NKAIN2: variants seen among roughly 807,000 people sequenced by gnomAD.
NKAIN2 encodes sodium/potassium transporting ATPase interacting 2.
NKAIN2 carries 14 observed loss-of-function variants against 32.6 expected under a neutral mutation model. The ratio of observed to expected loss-of-function variants is 0.43; its 90% CI spans 0.28 to 0.67. The LOEUF (loss-of-function observed/expected upper bound fraction) is 0.67, where lower values mean the gene tolerates loss of function less well. Ranked by LOEUF, NKAIN2 falls within the 30% of genes least tolerant of loss-of-function variation. The pLI is 0.17. For synonymous variants in NKAIN2, 80 were observed against 87.2 expected (o/e 0.92, Z 0.46); for missense variants, 198 against 258.3 (o/e 0.77, Z 1.60).
intron 1 of NKAIN2, among the ~76,000 whole-genome samples, chr6:123,901,241 G>C (rs914757115): frequency 6.6e-6 from 1 of 151,986 alleles, no homozygotes; most frequent in Non-Finnish European, 1.5e-5. Context: ...TTCATACTAA[G>C]TTTTTTAGAA....
At chr6:123,904,391 T>A (rs1774754966) in intron 1 of NKAIN2, among the ~76,000 whole-genome samples, 1 of 152,236 alleles carries the variant, frequency 6.6e-6, no homozygotes, top group South Asian at 2.1e-4. Context: ...ATCTATGTGT[T>A]CTTATCATCT....
At chr6:123,917,359 G>A (rs1582775470) in intron 1 of NKAIN2, among the ~76,000 whole-genome samples, 2 of 151,594 alleles carry the variant, frequency 1.3e-5, no homozygotes, top group East Asian at 3.9e-4. Context: ...TTTTGAAGTT[G>A]GTATAAAAGT....
intron 4 of NKAIN2, among the ~76,000 whole-genome samples, chr6:124,780,269 T>G (rs752492427): frequency 6.6e-6 from 1 of 152,210 alleles, no homozygotes; most frequent in Non-Finnish European, 1.5e-5. Context: ...AGAATGCTGA[T>G]AGTCCAGTAG....
At chr6:124,615,499 T>C (rs1782853791) in intron 3 of NKAIN2, among the ~76,000 whole-genome samples, 1 of 152,040 alleles carries the variant, frequency 6.6e-6, no homozygotes, top group South Asian at 2.1e-4. Flanking sequence ...TTTCGGAAAA[T>C]ATGACTCATT....
chr6:124,433,374 C>T (rs1423938822), intron 3 of NKAIN2, among the ~76,000 whole-genome samples: 2 of 152,172 alleles, frequency 1.3e-5, no homozygotes, highest in Non-Finnish European at 2.9e-5. Flanking sequence ...TTTATGGTGG[C>T]ATTGCTGCCC....
intron 4 of NKAIN2, among the ~76,000 whole-genome samples, chr6:124,789,174 T>G (rs1779634250): frequency 6.6e-6 from 1 of 152,044 alleles, no homozygotes; most frequent in South Asian, 2.1e-4. Context: ...TAGTGACACT[T>G]TAATGAGAAG....
At chr6:124,211,821 C>T (rs967059220) in intron 1 of NKAIN2, among the ~76,000 whole-genome samples, 10 of 151,944 alleles carry the variant, frequency 6.6e-5, no homozygotes, top group South Asian at 2.1e-4. Context: ...AGTTAAAAGT[C>T]GAAAATTGTG....
intron 3 of NKAIN2, among the ~76,000 whole-genome samples, chr6:124,623,290 T>C (rs1382646): frequency 0.035 from 5,337 of 152,216 alleles, 158 homozygotes; most frequent in East Asian, 0.16. Context: ...TCATCACATG[T>C]ATGATGGGGC....
intron 1 of NKAIN2, among the ~76,000 whole-genome samples, chr6:123,806,588 A>C (rs1425883130): frequency 6.6e-6 from 1 of 152,058 alleles, no homozygotes; most frequent in Non-Finnish European, 1.5e-5. Context: ...GATTTTTAAA[A>C]ACTTTTTATG....
rs1283894871 is a variant in NKAIN2, at chr6:124,610,973, G to A, written c.274-47213G>A. ...GTATAAGGGATAGAATTTCCTTACCGCTACTGAATGCTTGACTTCAATCTA... is the reference window on the plus strand; with the variant it reads ...GTATAAGGGATAGAATTTCCTTACCACTACTGAATGCTTGACTTCAATCTA... On this transcript the variant is annotated intron_variant, in intron 3 of 6. Coordinates refer to ENST00000368417, the MANE Select transcript of NKAIN2 (RefSeq NM_001040214.3). 6.6e-5 allele frequency among the ~76,000 whole-genome samples: 10 copies of A among 151,926 alleles called. 1 individual carries two copies. Among genetic ancestry groups the A allele is most frequent in the African/African-American group, 1.7e-4 (7 of 41,372 alleles).
intron 1 of NKAIN2, among the ~76,000 whole-genome samples, chr6:124,063,016 A>T (rs1273014904): frequency 1.3e-5 from 2 of 151,868 alleles, no homozygotes; most frequent in Non-Finnish European, 2.9e-5. Context: ...ATCTCTACTA[A>T]AATTACTAAA....
chr6:123,985,887 C>G (rs1779114699), intron 1 of NKAIN2, among the ~76,000 whole-genome samples: 1 of 152,066 alleles, frequency 6.6e-6, no homozygotes, highest in African/African-American at 2.4e-5. Context: ...GAGACAACAG[C>G]ATCTAAAAAA....
rs536403936 is a variant in NKAIN2 at position 124,712,420 on chromosome 6, G to A, written c.474+54034G>A. On this transcript the variant is annotated intron_variant, in intron 4 of 6. Coordinates refer to ENST00000368417, the MANE Select transcript of NKAIN2 (RefSeq NM_001040214.3). The stretch of plus-strand genomic sequence containing the variant: ...TGGCGGGCGCCCCTCCCCCAGGCTC[G>A]CTGCCGCCTTGCAGTTTGATCTCAG... Among the ~76,000 whole-genome samples, 15 of 115,726 alleles carry A rather than the reference G, an allele frequency of 1.3e-4. 4 individuals carry two copies. The allele number at this position is 115,726 out of a possible 152,430, so 75.9% of individuals were successfully genotyped here.
intron 5 of NKAIN2, among the ~76,000 whole-genome samples, chr6:124,811,539 A>G (rs928808209): frequency 1.3e-5 from 2 of 152,204 alleles, no homozygotes; most frequent in Non-Finnish European, 2.9e-5. Context: ...AAATTCCACT[A>G]TCATTAATGT....
intron 4 of NKAIN2, among the ~76,000 whole-genome samples, chr6:124,668,532 A>C (rs1038949834): frequency 6.6e-6 from 1 of 152,122 alleles, no homozygotes; most frequent in Non-Finnish European, 1.5e-5. Flanking sequence ...TTCATCAGAG[A>C]ATAATAGCAG....
intron 3 of NKAIN2, among the ~76,000 whole-genome samples, chr6:124,397,664 T>G (rs921009973): frequency 3.3e-5 from 5 of 152,082 alleles, no homozygotes; most frequent in Non-Finnish European, 7.4e-5. Context: ...CTGTTTAAAT[T>G]GTATACATTT....
intron 1 of NKAIN2, among the ~76,000 whole-genome samples, chr6:123,927,785 G>A (rs1274125205): frequency 6.6e-6 from 1 of 152,130 alleles, no homozygotes; most frequent in East Asian, 1.9e-4. Context: ...TCCCTTTTCA[G>A]TTAGTAAGAG....
intron 1 of NKAIN2, among the ~76,000 whole-genome samples, chr6:124,100,080 A>G (rs1460327035): frequency 1.3e-5 from 2 of 152,172 alleles, no homozygotes; most frequent in Admixed American, 1.3e-4. Flanking sequence ...GTTCTCTTAC[A>G]TGTTAAAATT....
chr6:123,914,214 C>CGAGA lies in NKAIN2; in HGVS notation c.54+109971_54+109974dup, dbSNP rs35122780. Among the ~76,000 whole-genome samples the CGAGA allele has an allele frequency of 4.3e-3, 638 of 150,116 alleles. 4 individuals carry two copies. The highest frequency in any genetic ancestry group is 0.015 in the African/African-American group (603 of 40,826). The stretch of plus-strand genomic sequence containing the variant: ...CATAAGACCTCTTCTTTGTGTATGA[C>CGAGA]GAGAGAGAGAGAGACAGACAGACAG... On this transcript the variant is annotated intron_variant, in intron 1 of 6. Coordinates refer to ENST00000368417, the MANE Select transcript of NKAIN2 (RefSeq NM_001040214.3).
Sources: gnomAD v4.1 joint callset for allele counts (sites outside exome capture counted in the v4.1 genomes callset) on GRCh38, gnomAD v4.1.1 for gene constraint, MANE v1.5 for transcripts, NCBI Gene and HGNC (gene_info 2026-07-23, HGNC 2026-07-21) for gene names.